FARS2: variants seen among roughly 807,000 people sequenced by gnomAD.
FARS2 encodes phenylalanine--tRNA ligase, mitochondrial.
In FARS2, 40 loss-of-function variants were observed where a neutral mutation model predicts 46.4. The observed-to-expected ratio is 0.86, with a 90% CI of 0.67 to 1.12. The LOEUF (loss-of-function observed/expected upper bound fraction) is 1.12, where lower values mean the gene tolerates loss of function less well. FARS2 is among the 50% of genes most tolerant of loss of function. FARS2 has a pLI of 0.00. For missense variants in FARS2, 513 were observed against 567.9 expected (o/e 0.90, Z 0.98); for synonymous variants, 234 against 214.9 (o/e 1.09, Z -0.78).
intron 6 of FARS2, among the ~76,000 whole-genome samples, chr6:5,725,512 C>A (rs770815957): frequency 6.6e-6 from 1 of 152,234 alleles, no homozygotes; most frequent in Non-Finnish European, 1.5e-5. Context: ...GAAGAGTTAC[C>A]TGGCCTCCCT....
chr6:5,315,761 T>TCTTTC (rs1561952069), intron 1 of FARS2, among the ~76,000 whole-genome samples: 1 of 132,636 alleles, frequency 7.5e-6, no homozygotes, highest in East Asian at 2.1e-4. Flanking sequence ...TTTCTTTCTT[T>TCTTTC]TTTTTGGGGA....
intron 1 of FARS2, among the ~76,000 whole-genome samples, chr6:5,331,906 G>T (rs1770824210): frequency 6.6e-6 from 1 of 152,146 alleles, no homozygotes; most frequent in Non-Finnish European, 1.5e-5. Flanking sequence ...AAGAGAACTT[G>T]AGTGAGGATA....
intron 4 of FARS2, among the ~76,000 whole-genome samples, chr6:5,519,051 T>TA (rs1768977290): frequency 6.6e-6 from 1 of 152,176 alleles, no homozygotes; most frequent in African/African-American, 2.4e-5. Flanking sequence ...ATTGATATAA[T>TA]ACTTGATATG....
intron 4 of FARS2, among the ~76,000 whole-genome samples, chr6:5,505,770 A>G (rs983752390): frequency 1.3e-5 from 2 of 152,206 alleles, no homozygotes; most frequent in Admixed American, 1.3e-4. Flanking sequence ...CTGCAAACAG[A>G]AAAGGAAGAC....
rs1772141123 is a variant in FARS2, at chr6:5,563,575, C to T, written c.1065+18235C>T. Among the ~76,000 whole-genome samples, 2 of 152,120 alleles carry T rather than the reference C, an allele frequency of 1.3e-5. 1 individual carries two copies. The highest frequency in any genetic ancestry group is 2.9e-5 in the Non-Finnish European group (2 of 68,030). On this transcript the variant is annotated intron_variant, in intron 5 of 6. Transcript: ENST00000274680. The stretch of plus-strand genomic sequence containing the variant: ...GTTAGGGGGTTTTGGGGGATGACTC[C>T]TTCTGGCTACTTCCTGCTGAAAAGG...
At chr6:5,551,543 C>A (rs1406658479) in intron 5 of FARS2, among the ~76,000 whole-genome samples, 3 of 152,192 alleles carry the variant, frequency 2.0e-5, no homozygotes, top group Admixed American at 6.5e-5. Context: ...GTATTTGTTA[C>A]AAGCAATACC....
chr6:5,525,439 T>C (rs745807884), intron 4 of FARS2, among the ~76,000 whole-genome samples: 1 of 152,138 alleles, frequency 6.6e-6, no homozygotes, highest in Non-Finnish European at 1.5e-5. Flanking sequence ...CAGGTTTTAT[T>C]GTAAGTAGTT....
chr6:5,376,109 C>G (rs1759359944), intron 2 of FARS2, among the ~76,000 whole-genome samples: 1 of 152,132 alleles, frequency 6.6e-6, no homozygotes. Flanking sequence ...CTGAGACTTT[C>G]TTTTACATGA....
At chr6:5,423,509 T>C (rs571128497) in intron 3 of FARS2, among the ~76,000 whole-genome samples, 50 of 152,200 alleles carry the variant, frequency 3.3e-4, no homozygotes, top group Non-Finnish European at 6.0e-4. Flanking sequence ...AGAAGAATAA[T>C]AGCTGTGGGA....
intron 6 of FARS2, among the ~76,000 whole-genome samples, chr6:5,736,992 G>T (rs1242016718): frequency 1.3e-5 from 2 of 152,104 alleles, no homozygotes; most frequent in African/African-American, 4.8e-5. Flanking sequence ...GATTATTTTG[G>T]ATGAAAACAT....
chr6:5,690,517 A>C (rs1474331977), intron 6 of FARS2, among the ~76,000 whole-genome samples: 1 of 151,422 alleles, frequency 6.6e-6, no homozygotes, highest in Non-Finnish European at 1.5e-5. Flanking sequence ...AGAATGTTGA[A>C]TATTGGCCCC....
intron 5 of FARS2, among the ~76,000 whole-genome samples, chr6:5,595,073 G>A (rs1224840095): frequency 6.6e-6 from 1 of 152,134 alleles, no homozygotes; most frequent in Non-Finnish European, 1.5e-5. Context: ...GCAGGAAGGG[G>A]GTTTGGAGCT....
intron 6 of FARS2, among the ~76,000 whole-genome samples, chr6:5,626,088 A>G (rs923638176): frequency 1.3e-5 from 2 of 152,168 alleles, no homozygotes; most frequent in African/African-American, 4.8e-5. Context: ...TCTAGTAAGG[A>G]AAAAGCAAGG....
At chr6:5,264,465 CTA>C (rs1185817528) in intron 1 of FARS2, among the ~76,000 whole-genome samples, 1 of 151,128 alleles carries the variant, frequency 6.6e-6, no homozygotes, top group Non-Finnish European at 1.5e-5. Context: ...TTCCTAAGTA[CTA>C]TAGGTTATGG....
chr6:5,305,720 G>A (rs1768652190), intron 1 of FARS2, among the ~76,000 whole-genome samples: 1 of 152,196 alleles, frequency 6.6e-6, no homozygotes, highest in South Asian at 2.1e-4. Context: ...CTTGTTGGGA[G>A]AACTTGGCGT....
intron 6 of FARS2, among the ~76,000 whole-genome samples, chr6:5,665,833 T>C (rs1438555379): frequency 6.6e-6 from 1 of 152,244 alleles, no homozygotes. Context: ...AGAAGCCAGT[T>C]ACTACCAACT....
At chr6:5,564,376 C>T (rs575461924) in intron 5 of FARS2, among the ~76,000 whole-genome samples, 30 of 152,280 alleles carry the variant, frequency 2.0e-4, no homozygotes, top group African/African-American at 6.5e-4. Flanking sequence ...AGATAATTGC[C>T]CAGAACTAGC....
chr6:5,567,709 A>G (rs1298573329), intron 5 of FARS2, among the ~76,000 whole-genome samples: 4 of 152,380 alleles, frequency 2.6e-5, no homozygotes, highest in South Asian at 2.1e-4. Context: ...GCCCATGTTT[A>G]TGCATATATA....
chr6:5,504,724 C>G (rs1244594910), intron 4 of FARS2, among the ~76,000 whole-genome samples: 1 of 150,922 alleles, frequency 6.6e-6, no homozygotes, highest in Admixed American at 6.6e-5. Flanking sequence ...AAATGTATGC[C>G]AAGACCAATT....
Sources: allele counts gnomAD v4.1 joint callset (sites outside exome capture counted in the v4.1 genomes callset), GRCh38; gene constraint gnomAD v4.1.1; transcripts MANE v1.5; gene names NCBI Gene and HGNC (gene_info 2026-07-23, HGNC 2026-07-21).